Variants in SMYD3 observed in about 807,000 individuals in gnomAD.
The protein encoded by SMYD3 is histone-lysine N-methyltransferase SMYD3.
SMYD3 carries 36 observed loss-of-function variants against 57.7 expected under a neutral mutation model. That is an observed-to-expected ratio of 0.62 (90% CI 0.48 to 0.82). SMYD3 has a LOEUF of 0.82. Among genes scored for constraint, SMYD3 ranks in the 40% least tolerant of loss-of-function variants. The pLI is 0.00. For missense variants in SMYD3, 515 were observed against 538.8 expected (o/e 0.96, Z 0.44); for synonymous variants, 211 against 195.0 (o/e 1.08, Z -0.68).
At chr1:246,240,778 T>C (rs1326496013) in intron 5 of SMYD3, among the ~76,000 whole-genome samples, 1 of 152,200 alleles carries the variant, frequency 6.6e-6, no homozygotes, top group Non-Finnish European at 1.5e-5. Flanking sequence ...GAGCAGTGGT[T>C]TGTGGTTCGC....
intron 1 of SMYD3, among the ~76,000 whole-genome samples, chr1:246,420,803 G>C (rs535538675): frequency 6.6e-6 from 1 of 152,290 alleles, no homozygotes; most frequent in East Asian, 1.9e-4. Flanking sequence ...AGAAATTGCC[G>C]TGGAGCAGGG....
intron 8 of SMYD3, among the ~76,000 whole-genome samples, chr1:245,885,302 C>A (rs566006930): frequency 6.6e-6 from 1 of 152,162 alleles, no homozygotes; most frequent in African/African-American, 2.4e-5. Context: ...TCAGTGAGAC[C>A]AAGAACCCAC....
At chr1:246,241,340 T>C (rs1428118512) in intron 5 of SMYD3, among the ~76,000 whole-genome samples, 1 of 152,220 alleles carries the variant, frequency 6.6e-6, no homozygotes, top group Admixed American at 6.5e-5. Context: ...TCTGCATCTA[T>C]TGAGATAATC....
chr1:246,101,783 C>A (rs1159559153), intron 5 of SMYD3, among the ~76,000 whole-genome samples: 1 of 152,182 alleles, frequency 6.6e-6, no homozygotes, highest in African/African-American at 2.4e-5. Context: ...TCCCGGTAGG[C>A]AAGCGTAAGA....
At chr1:246,158,464 AC>A (rs148139404) in intron 5 of SMYD3, among the ~76,000 whole-genome samples, 2,244 of 152,322 alleles carry the variant, frequency 0.015, 54 homozygotes, top group African/African-American at 0.05. Context: ...TTGAAGAAAC[AC>A]TTTCAGATAA....
At chr1:246,393,484 T>C (rs1030667741) in intron 1 of SMYD3, among the ~76,000 whole-genome samples, 2 of 152,062 alleles carry the variant, frequency 1.3e-5, no homozygotes, top group Non-Finnish European at 2.9e-5. Context: ...CTTTGTGTAC[T>C]GATGTAATAT....
intron 5 of SMYD3, among the ~76,000 whole-genome samples, chr1:246,211,967 T>A (rs1558319067): frequency 1.3e-5 from 2 of 151,044 alleles, no homozygotes; most frequent in Non-Finnish European, 2.9e-5. Flanking sequence ...TTACCTCAGA[T>A]AATCACTCAA....
intron 5 of SMYD3, among the ~76,000 whole-genome samples, chr1:246,135,754 C>T (rs577126958): frequency 2.0e-5 from 3 of 151,968 alleles, no homozygotes; most frequent in South Asian, 2.1e-4. Flanking sequence ...TTTTAATATA[C>T]AAACCAAAAT....
intron 10 of SMYD3, among the ~76,000 whole-genome samples, chr1:245,827,409 C>G (rs894051934): frequency 6.6e-6 from 1 of 152,182 alleles, no homozygotes; most frequent in Non-Finnish European, 1.5e-5. Flanking sequence ...ACTCACGATG[C>G]CTGGCCCAGG....
At chr1:246,098,398 C>T (rs1419478920) in intron 5 of SMYD3, among the ~76,000 whole-genome samples, 1 of 152,062 alleles carries the variant, frequency 6.6e-6, no homozygotes, top group South Asian at 2.1e-4. Flanking sequence ...TTCAGAGAGG[C>T]CAAAAGGCAC....
intron 1 of SMYD3, among the ~76,000 whole-genome samples, chr1:246,401,339 CT>C (rs34797156): frequency 5.4e-4 from 79 of 146,768 alleles, no homozygotes; most frequent in Non-Finnish European, 6.1e-4. Context: ...TCTATTTAAA[CT>C]TTTTTTTTTT....
intron 5 of SMYD3, among the ~76,000 whole-genome samples, chr1:246,040,678 G>A (rs1045621692): frequency 9.9e-5 from 15 of 152,128 alleles, no homozygotes; most frequent in African/African-American, 3.4e-4. Flanking sequence ...TGGGGCTCCC[G>A]TATCTCCTTT....
intron 5 of SMYD3, among the ~76,000 whole-genome samples, chr1:246,316,361 G>GTTTT (rs746235263): frequency 1.5e-5 from 2 of 133,430 alleles, no homozygotes; most frequent in African/African-American, 5.5e-5. Context: ...GTCTTCATGG[G>GTTTT]TTTTTTTTTT....
intron 2 of SMYD3, among the ~76,000 whole-genome samples, chr1:246,345,484 T>C (rs1396869795): frequency 1.3e-5 from 2 of 152,190 alleles, no homozygotes; most frequent in African/African-American, 2.4e-5. Context: ...TTTTGAAATG[T>C]TTGCGTTATA....
intron 8 of SMYD3, among the ~76,000 whole-genome samples, chr1:245,909,611 C>G (rs2054823900): frequency 1.3e-5 from 2 of 151,908 alleles, no homozygotes; most frequent in Non-Finnish European, 2.9e-5. Flanking sequence ...AAAGATCATT[C>G]ATCATAATCA....
chr1:245,978,929 C>T (rs1309364714), intron 5 of SMYD3, among the ~76,000 whole-genome samples: 1 of 152,160 alleles, frequency 6.6e-6, no homozygotes, highest in East Asian at 1.9e-4. Context: ...ACCAAAAATT[C>T]AGGACAGTAC....
chr1:245,833,968 C>T (rs2049981462), intron 10 of SMYD3, among the ~76,000 whole-genome samples: 1 of 152,206 alleles, frequency 6.6e-6, no homozygotes, highest in Admixed American at 6.5e-5. Context: ...AAAACATGGG[C>T]TTTTTATTTT....
chr1:246,328,990 T>C (rs1445655171), intron 4 of SMYD3, among the ~76,000 whole-genome samples: 1 of 152,146 alleles, frequency 6.6e-6, no homozygotes, highest in East Asian at 1.9e-4. Context: ...GATTTCCAAT[T>C]TCATCCATGT....
At chr1:246,188,070 C>T (rs2062672705) in intron 5 of SMYD3, among the ~76,000 whole-genome samples, 2 of 151,998 alleles carry the variant, frequency 1.3e-5, no homozygotes, top group South Asian at 4.2e-4. Flanking sequence ...TATTAATTTA[C>T]AATAAAAAAA....
Sources: allele counts gnomAD v4.1 joint callset (sites outside exome capture counted in the v4.1 genomes callset), GRCh38; gene constraint gnomAD v4.1.1; transcripts MANE v1.5; gene names NCBI Gene and HGNC (gene_info 2026-07-23, HGNC 2026-07-21).